Variants in CTTNBP2 observed in about 807,000 individuals in gnomAD.
CTTNBP2 encodes cortactin binding protein 2, also known as cortactin-binding protein 2.
In CTTNBP2, 108 loss-of-function variants were observed where a neutral mutation model predicts 156.9. That is an observed-to-expected ratio of 0.69 (90% CI 0.59 to 0.81). The LOEUF is 0.81. Among genes scored for constraint, CTTNBP2 ranks in the 30% least tolerant of loss-of-function variants. CTTNBP2 has a pLI of 0.00. For synonymous variants in CTTNBP2, 767 were observed against 751.8 expected (o/e 1.02, Z -0.33); for missense variants, 1,924 against 2,035.4 (o/e 0.95, Z 1.05).
At chr7:117,775,380 G>A (rs1243654383) in intron 8 of CTTNBP2, among the ~76,000 whole-genome samples, 1 of 151,950 alleles carries the variant, frequency 6.6e-6, no homozygotes, top group Admixed American at 6.6e-5. Flanking sequence ...CAATGACAAT[G>A]CCATGTGGAA....
chr7:117,864,773 A>T (rs13310621), intron 1 of CTTNBP2, among the ~76,000 whole-genome samples: 6 of 136,538 alleles, frequency 4.4e-5, no homozygotes, highest in African/African-American at 1.5e-4. Context: ...ATATTCATTC[A>T]ATATATATTC....
chr7:117,826,961 A>G (rs1249479625), intron 2 of CTTNBP2, among the ~76,000 whole-genome samples: 2 of 151,730 alleles, frequency 1.3e-5, no homozygotes, highest in African/African-American at 2.4e-5. Context: ...TCCCAGGTTC[A>G]AGCAATTCTC....
At chr7:117,776,096 A>G (rs1432484466) in intron 8 of CTTNBP2, among the ~76,000 whole-genome samples, 1 of 152,200 alleles carries the variant, frequency 6.6e-6, no homozygotes, top group Non-Finnish European at 1.5e-5. Context: ...CGTAGCCCTT[A>G]CATTCAGCAT....
intron 14 of CTTNBP2, 39 bp from the exon 15 acceptor site, chr7:117,735,460 A>T (rs1795636148): frequency 6.4e-7 from 1 of 1,559,104 alleles, no homozygotes; most frequent in Non-Finnish European, 8.7e-7. Flanking sequence ...CAAGCTTTTG[A>T]CAAAAATTTA....
chr7:117,849,396 G>A (rs549542888), intron 2 of CTTNBP2, among the ~76,000 whole-genome samples: 25 of 152,252 alleles, frequency 1.6e-4, no homozygotes, highest in Admixed American at 5.2e-4. Flanking sequence ...CTAAGAATTC[G>A]CATTTTTAAT....
At position 117,868,765 on chromosome 7, in the gene CTTNBP2, C is replaced by A. The variant is rs561232329; in HGVS notation, c.81+4570G>T. ...AATCGAGTATGTTCAAATAAAGTAT[C>A]CTTCTAAAGCAATACTCAGACAGGC... On this transcript the variant is annotated intron_variant, in intron 1 of 22. Transcript: ENST00000160373. 3.9e-5 allele frequency among the ~76,000 whole-genome samples: 6 copies of A among 152,270 alleles called. No individual in the cohort carries two copies. In the South Asian group the frequency reaches 1.2e-3, roughly 32 times the overall value.
At position 117,810,748 on chromosome 7, in the gene CTTNBP2, T is replaced by G. The variant is rs41281090; in HGVS notation, c.414+17A>C. On this transcript the variant is annotated intron_variant, in intron 3 of 22. Transcript: ENST00000160373. ...CACCATGTTGTGGGGAAAATGACCATTTGAACGCCTCAATACCTTCTTTTG... is the reference window on the plus strand; with the variant it reads ...CACCATGTTGTGGGGAAAATGACCAGTTGAACGCCTCAATACCTTCTTTTG... The G allele has an allele frequency of 8.5e-3, 13,584 of 1,605,636 alleles. 78 individuals are homozygous for G. The highest frequency in any genetic ancestry group is 0.01 in the Non-Finnish European group (11,914 of 1,173,792).
At chr7:117,836,888 C>T (rs925980258) in intron 2 of CTTNBP2, among the ~76,000 whole-genome samples, 5 of 152,100 alleles carry the variant, frequency 3.3e-5, no homozygotes, top group Non-Finnish European at 5.9e-5. Context: ...GGAAACCGCC[C>T]CCATGATTCA....
chr7:117,716,618 G>A (rs139693726), intron 22 of CTTNBP2, among the ~76,000 whole-genome samples: 29 of 152,232 alleles, frequency 1.9e-4, no homozygotes, highest in Middle Eastern at 3.4e-3. Context: ...ACCTTCTTAG[G>A]TCATCCTCCA....
intron 17 of CTTNBP2, among the ~76,000 whole-genome samples, chr7:117,725,863 C>G (rs1584901094): frequency 6.6e-6 from 1 of 151,960 alleles, no homozygotes; most frequent in South Asian, 2.1e-4. Flanking sequence ...GATTTTTGTA[C>G]TTTTAGTAGA....
chr7:117,787,934 G>C (rs547309997), intron 4 of CTTNBP2, among the ~76,000 whole-genome samples: 28 of 152,210 alleles, frequency 1.8e-4, no homozygotes, highest in Middle Eastern at 3.4e-3. Context: ...AATTTATCAT[G>C]CAAGTTTAAA....
rs748643139 is a variant in CTTNBP2, at chr7:117,792,724, C to G, written c.472G>C (p.Ala158Pro). 6.2e-7 allele frequency: 1 copy of G among 1,608,616 alleles called. No individual in the cohort carries two copies. The highest frequency in any genetic ancestry group is 2.2e-5 in the East Asian group (1 of 44,828). ...ALEQEHKKLAARLEEERGKNK... is the reference protein window; with the variant it reads ...ALEQEHKKLAPRLEEERGKNK... ...TTGCCACGCTCTTCCTCAAGGCGGG[C>G]AGCCAGCTTCTTGTGCTCTTGCTCA... Residue 158 changes from alanine (A) to proline (P), a missense_variant, in exon 4 of 23, where the codon GCC becomes CCC. Ala to Pro is a conservative substitution (Grantham distance 27). Transcript: ENST00000160373. This position sits in a 1 kb window ranked among gnomAD's most constrained non-coding sequence, Gnocchi z 4.2.
At chr7:117,775,965 C>T (rs75829225) in intron 8 of CTTNBP2, among the ~76,000 whole-genome samples, 2 of 152,182 alleles carry the variant, frequency 1.3e-5, no homozygotes, top group African/African-American at 4.8e-5. Flanking sequence ...GCCCTTTTCT[C>T]ATTTTGTAAA....
chr7:117,766,993 C>T, intron 9 of CTTNBP2, 66 bp downstream of exon 9: 1 of 891,228 alleles, frequency 1.1e-6, no homozygotes, highest in Middle Eastern at 2.2e-4. Context: ...AATAGTTTTT[C>T]CCATTGTACC....
intron 7 of CTTNBP2, among the ~76,000 whole-genome samples, chr7:117,779,401 T>A (rs1329411881): frequency 6.6e-6 from 1 of 152,210 alleles, no homozygotes; most frequent in Non-Finnish European, 1.5e-5. Flanking sequence ...GTTTTGAGCA[T>A]CTATACTTCT....
intron 16 of CTTNBP2, among the ~76,000 whole-genome samples, chr7:117,732,446 C>T (rs551406674): frequency 1.2e-4 from 18 of 151,608 alleles, no homozygotes; most frequent in African/African-American, 4.4e-4. Flanking sequence ...GTCAGGAGAT[C>T]GAGACCATCC....
chr7:117,852,298 C>CA lies in CTTNBP2; in HGVS notation c.189+8910dup, dbSNP rs200498632. Reference sequence around the variant, plus strand: ...TGCTGATGTTTTGCATATACAAAACCAAAAAAAAAAAAAAGATCAAATATG... The same window carrying CA: ...TGCTGATGTTTTGCATATACAAAACCAAAAAAAAAAAAAAAGATCAAATATG... On this transcript the variant is annotated intron_variant, in intron 2 of 22. Coordinates refer to ENST00000160373, the MANE Select transcript of CTTNBP2 (RefSeq NM_033427.3). Among the ~76,000 whole-genome samples the CA allele has an allele frequency of 9.0e-3, 779 of 86,760 alleles. 2 individuals are homozygous for CA. The highest frequency in any genetic ancestry group is 0.01 in the Admixed American group (94 of 9,036). 56.9% of individuals were successfully genotyped at this position (86,760 alleles called of 152,430 possible).
At chr7:117,756,201 A>G (rs1352176396) in intron 12 of CTTNBP2, among the ~76,000 whole-genome samples, 1 of 152,190 alleles carries the variant, frequency 6.6e-6, no homozygotes, top group Non-Finnish European at 1.5e-5. Flanking sequence ...TTAAATTATA[A>G]AAGTTTATAG....
intron 2 of CTTNBP2, among the ~76,000 whole-genome samples, chr7:117,855,174 G>C (rs1196800058): frequency 6.6e-6 from 1 of 152,172 alleles, no homozygotes; most frequent in Non-Finnish European, 1.5e-5. Context: ...CAGTTCTATA[G>C]AGAGGATGGG....
Sources: allele counts gnomAD v4.1 joint callset (sites outside exome capture counted in the v4.1 genomes callset), GRCh38; gene constraint gnomAD v4.1.1; non-coding constraint Gnocchi (gnomAD v3.1); transcripts MANE v1.5; gene names NCBI Gene and HGNC (gene_info 2026-07-23, HGNC 2026-07-21).